RGMA: variants seen among roughly 807,000 people sequenced by gnomAD.
The protein encoded by RGMA is repulsive guidance molecule BMP co-receptor a, also known as repulsive guidance molecule A.
Under a neutral mutation model 23.2 loss-of-function variants are expected in RGMA, and 10 were observed. The ratio of observed to expected loss-of-function variants is 0.43; its 90% CI spans 0.27 to 0.73. The LOEUF is 0.73. RGMA is among the 30% of genes least tolerant of loss of function. The probability of loss-of-function intolerance (pLI) is 0.20; values close to 1 mark genes in which losing one functional copy is unlikely to be tolerated. For missense variants in RGMA, 547 were observed against 630.5 expected (o/e 0.87, Z 1.42); for synonymous variants, 308 against 279.3 (o/e 1.10, Z -1.03).
chr15:93,071,685 A>G (rs4594209), intron 2 of RGMA, among the ~76,000 whole-genome samples: 92,456 of 152,108 alleles, frequency 0.61, 28,688 homozygotes, highest in East Asian at 0.96. Context: ...GCCCCAACTC[A>G]CAGCCAGGCC....
At chr15:93,053,996 G>C (rs146905489) in intron 2 of RGMA, among the ~76,000 whole-genome samples, 1 of 152,090 alleles carries the variant, frequency 6.6e-6, no homozygotes, top group Non-Finnish European at 1.5e-5. Flanking sequence ...TTGGGAGGCC[G>C]AGGCAGGCAG....
At chr15:93,066,174 CT>C in intron 2 of RGMA, 1 of 1,403,008 alleles carries the variant, frequency 7.1e-7, no homozygotes, top group Non-Finnish European at 1.0e-6. Flanking sequence ...CTTCTGCACC[CT>C]TCTCTCCTTC....
chr15:93,073,118 C>G, intron 1 of RGMA, 87 bp from the exon 2 acceptor site: 1 of 1,351,708 alleles, frequency 7.4e-7, no homozygotes, highest in African/African-American at 1.5e-5. Flanking sequence ...AGCAGCGAGC[C>G]GGGAGGCTCC....
At position 93,035,803 on chromosome 15, in the gene RGMA, G is replaced by A. The variant is rs1486905006; in HGVS notation, c.*9195C>T. On this transcript the variant is annotated 3_prime_UTR_variant, in exon 4 of 4. Transcript: ENST00000329082. ...AATGGCTTTCCCTGCGGTCTCCCAA[G>A]GGGCTTTGCGCCAGTATGAGCTTAT... The A allele has an allele frequency of 6.6e-6, 1 of 152,234 alleles. No homozygotes were observed. Among genetic ancestry groups the A allele is most frequent in the Non-Finnish European group, 1.5e-5 (1 of 68,072 alleles). 9.4% of individuals were successfully genotyped at this position (152,234 alleles called of 1,614,324 possible).
At chr15:93,073,765 G>T in intron 1 of RGMA, 1 of 1,537,090 alleles carries the variant, frequency 6.5e-7, no homozygotes, top group Non-Finnish European at 8.7e-7. Context: ...ATCCTGACTG[G>T]GTTTGGCCTG....
At chr15:93,074,064 T>G in intron 1 of RGMA, 1 of 1,298,076 alleles carries the variant, frequency 7.7e-7, no homozygotes. Flanking sequence ...GCCCTGCAGT[T>G]CTGCTGCCGT....
chr15:93,035,714 G>A lies in RGMA; in HGVS notation c.*9284C>T, dbSNP rs2054653191. On this transcript the variant is annotated 3_prime_UTR_variant, in exon 4 of 4. Transcript: ENST00000329082. ...CCTGAGGAGAGATGGGTCAAGGCGGGGATCATTGTCAGAACTCAGATTCTA... is the reference window on the plus strand; with the variant it reads ...CCTGAGGAGAGATGGGTCAAGGCGGAGATCATTGTCAGAACTCAGATTCTA... 6.6e-6 allele frequency: 1 copy of A among 152,238 alleles called. No individual in the cohort carries two copies. The highest frequency in any genetic ancestry group is 1.5e-5 in the Non-Finnish European group (1 of 68,082). 9.4% of individuals were successfully genotyped at this position (152,238 alleles called of 1,614,324 possible). A position where few individuals can be genotyped will look rare whatever the true frequency, so the allele number is the denominator to read the frequency against.
intron 2 of RGMA, among the ~76,000 whole-genome samples, chr15:93,070,037 C>G (rs547994907): frequency 7.7e-4 from 118 of 152,262 alleles, no homozygotes; most frequent in Non-Finnish European, 1.4e-3. Flanking sequence ...TGTGCTGTCC[C>G]CAAAGAATCA....
chr15:93,059,297 G>C (rs991863095), intron 2 of RGMA, among the ~76,000 whole-genome samples: 1 of 152,184 alleles, frequency 6.6e-6, no homozygotes, highest in Non-Finnish European at 1.5e-5. Context: ...AAGCTTAATC[G>C]ATTCCGGGCC....
Position 93,051,977 on chromosome 15 carries a change from G to GC in RGMA, c.645+15dup. 1 of 1,577,204 alleles carries GC rather than the reference G, an allele frequency of 6.3e-7. No homozygotes were observed. On this transcript the variant is annotated intron_variant, in intron 3 of 3. Coordinates refer to ENST00000329082, the MANE Select transcript of RGMA (RefSeq NM_020211.3). Reference sequence around the variant, plus strand: ...AAGGGCAGGGCTGTGCCCTACAGCCGCCCCCTCCCCCTTACCTTGCTGGTG... The same window carrying GC: ...AAGGGCAGGGCTGTGCCCTACAGCCGCCCCCCTCCCCCTTACCTTGCTGGTG...
intron 2 of RGMA, among the ~76,000 whole-genome samples, chr15:93,056,167 A>G (rs2055009861): frequency 6.6e-6 from 1 of 152,152 alleles, no homozygotes; most frequent in African/African-American, 2.4e-5. Context: ...GAGGCTTCAG[A>G]GTTGGTTCAC....
At chr15:93,073,760 G>A in intron 1 of RGMA, 2 of 1,537,144 alleles carry the variant, frequency 1.3e-6, no homozygotes, top group Non-Finnish European at 1.7e-6. Context: ...CACCCATCCT[G>A]ACTGGGTTTG....
At chr15:93,073,536 T>C (rs1301492921) in intron 1 of RGMA, 50 of 1,479,836 alleles carry the variant, frequency 3.4e-5, no homozygotes, top group South Asian at 5.2e-5. Context: ...GTAGAAAAAC[T>C]GTCCTTGGAG....
chr15:93,088,890 G>C, intron 1 of RGMA, 29 bp downstream of exon 1: 11 of 1,491,774 alleles, frequency 7.4e-6, no homozygotes, highest in Non-Finnish European at 9.7e-6. Context: ...GTCAGAGCCG[G>C]GTCTGCCCGG....
At chr15:93,088,360 G>C in intron 1 of RGMA, 1 of 985,514 alleles carries the variant, frequency 1.0e-6, no homozygotes, top group Non-Finnish European at 1.2e-6. Flanking sequence ...GGGGCGGCTT[G>C]GCAATGGGCA....
At position 93,040,075 on chromosome 15, in the gene RGMA, G is replaced by C. The variant is rs189394497; in HGVS notation, c.*4923C>G. ...AATTTAACAATTAGCCGGGTGTGAC[G>C]GCAGGCACCTGTAATCCCAGCTACT... On this transcript the variant is annotated 3_prime_UTR_variant, in exon 4 of 4. Coordinates refer to ENST00000329082, the MANE Select transcript of RGMA (RefSeq NM_020211.3). 4 of 152,218 alleles carry C rather than the reference G, an allele frequency of 2.6e-5. No individual in the cohort carries two copies. The highest frequency in any genetic ancestry group is 4.4e-5 in the Non-Finnish European group (3 of 68,044). 9.4% of individuals were successfully genotyped at this position (152,218 alleles called of 1,614,324 possible).
intron 1 of RGMA, among the ~76,000 whole-genome samples, chr15:93,082,840 G>A (rs1368351068): frequency 6.6e-6 from 1 of 152,168 alleles, no homozygotes; most frequent in South Asian, 2.1e-4. Context: ...CTTAGCCTTC[G>A]AATGTGAGTT....
At chr15:93,057,421 C>T (rs1478505553) in intron 2 of RGMA, among the ~76,000 whole-genome samples, 3 of 152,078 alleles carry the variant, frequency 2.0e-5, no homozygotes, top group African/African-American at 7.3e-5. Flanking sequence ...CTCTCCCTGC[C>T]CCCTCTCCCT....
At chr15:93,048,502 GCA>G (rs1202553192) in intron 3 of RGMA, among the ~76,000 whole-genome samples, 1 of 152,098 alleles carries the variant, frequency 6.6e-6, no homozygotes, top group Non-Finnish European at 1.5e-5. Flanking sequence ...GACCCCAAGC[GCA>G]CAGTTCCTTG....
Sources: gnomAD v4.1 joint callset for allele counts (sites outside exome capture counted in the v4.1 genomes callset) on GRCh38, gnomAD v4.1.1 for gene constraint, MANE v1.5 for transcripts, NCBI Gene and HGNC (gene_info 2026-07-23, HGNC 2026-07-21) for gene names.